The following CACNA1C variants were observed in gnomAD, a reference collection of about 807,000 sequenced individuals.
CACNA1C encodes voltage-dependent L-type calcium channel subunit alpha-1C.
CACNA1C carries 30 observed loss-of-function variants against 229.0 expected under a neutral mutation model. That is an observed-to-expected ratio of 0.13 (90% confidence interval 0.10 to 0.18). CACNA1C has a LOEUF of 0.18. CACNA1C is among the 10% of genes least tolerant of loss of function. CACNA1C has a pLI of 1.00. For missense variants in CACNA1C, 1,658 were observed against 2,845.0 expected (o/e 0.58, Z 9.49); for synonymous variants, 1,114 against 1,132.5 (o/e 0.98, Z 0.33).
intron 3 of CACNA1C, among the ~76,000 whole-genome samples, chr12:2,377,080 C>T (rs970262883): frequency 6.6e-6 from 1 of 152,098 alleles, no homozygotes; most frequent in African/African-American, 2.4e-5. Flanking sequence ...GGGGCAGCTC[C>T]CCAGCTGGCG....
intron 3 of CACNA1C, among the ~76,000 whole-genome samples, chr12:2,416,654 A>G (rs1434972864): frequency 6.6e-6 from 1 of 152,238 alleles, no homozygotes; most frequent in Non-Finnish European, 1.5e-5. Flanking sequence ...ACAAGGCAGA[A>G]GTCCTGTGGG....
At chr12:2,615,759 G>A (rs2153473116) in intron 29 of CACNA1C, among the ~76,000 whole-genome samples, 1 of 152,332 alleles carries the variant, frequency 6.6e-6, no homozygotes, top group South Asian at 2.1e-4. Flanking sequence ...GTTTGGTAGT[G>A]GGAGTGATGA....
At chr12:2,012,150 TTTGGAAAAATAC>T (rs1311968087) in intron 1 of CACNA1C, among the ~76,000 whole-genome samples, 1 of 152,170 alleles carries the variant, frequency 6.6e-6, no homozygotes, top group Non-Finnish European at 1.5e-5. Flanking sequence ...GATGAGAGGC[TTTGGAAAAATAC>T]TTGGCTTGGT....
intron 3 of CACNA1C, among the ~76,000 whole-genome samples, chr12:2,141,021 T>C (rs1434725069): frequency 6.6e-6 from 1 of 150,836 alleles, no homozygotes; most frequent in African/African-American, 2.4e-5. Context: ...GCACTGGGGC[T>C]GAGAGGTGGT....
At chr12:2,642,106 G>C (rs1245518400) in intron 30 of CACNA1C, among the ~76,000 whole-genome samples, 1 of 152,160 alleles carries the variant, frequency 6.6e-6, no homozygotes, top group Non-Finnish European at 1.5e-5. Context: ...CTGCAGGTTT[G>C]ACCCGAAAGG....
intron 33 of CACNA1C, 56 bp from the exon 34 acceptor site, chr12:2,655,091 A>G: frequency 9.3e-7 from 1 of 1,070,604 alleles, no homozygotes; most frequent in Admixed American, 1.8e-5. Flanking sequence ...AATGGTGGGA[A>G]ATTAGGACCC....
At chr12:2,376,995 C>G (rs1430170027) in intron 3 of CACNA1C, among the ~76,000 whole-genome samples, 1 of 152,122 alleles carries the variant, frequency 6.6e-6, no homozygotes, top group Non-Finnish European at 1.5e-5. Context: ...GCTGTTGTCA[C>G]GTTCTGTGCT....
chr12:2,156,282 A>G (rs2095550519), intron 3 of CACNA1C, among the ~76,000 whole-genome samples: 1 of 152,246 alleles, frequency 6.6e-6, no homozygotes, highest in Non-Finnish European at 1.5e-5. Context: ...AATATGTCAT[A>G]TGTACCTTTT....
intron 29 of CACNA1C, among the ~76,000 whole-genome samples, chr12:2,616,242 C>T (rs2080494055): frequency 6.6e-6 from 1 of 152,208 alleles, no homozygotes; most frequent in Non-Finnish European, 1.5e-5. Context: ...AGGCCTGGCC[C>T]CTTTCCCACA....
intron 3 of CACNA1C, among the ~76,000 whole-genome samples, chr12:2,208,133 A>G (rs2097806898): frequency 6.6e-6 from 1 of 152,192 alleles, no homozygotes; most frequent in Non-Finnish European, 1.5e-5. Flanking sequence ...TTCTCAATGA[A>G]TGTTCCTTAA....
chr12:2,273,404 G>A (rs1158534743), intron 3 of CACNA1C, among the ~76,000 whole-genome samples: 2 of 152,140 alleles, frequency 1.3e-5, no homozygotes, highest in Non-Finnish European at 2.9e-5. Context: ...ACAGCTCAAA[G>A]TGGAGAGCCC....
At chr12:2,449,714 G>A (rs2099341757) in intron 4 of CACNA1C, among the ~76,000 whole-genome samples, 1 of 152,330 alleles carries the variant, frequency 6.6e-6, no homozygotes, top group East Asian at 1.9e-4. Context: ...TGGAACCCAG[G>A]CTGCTCTGTG....
At chr12:2,226,859 T>G (rs2063158573) in intron 3 of CACNA1C, among the ~76,000 whole-genome samples, 4 of 152,218 alleles carry the variant, frequency 2.6e-5, no homozygotes, top group Admixed American at 2.6e-4. Context: ...CCCATCACAG[T>G]GCAAATTCTT....
At chr12:2,066,849 G>A (rs2059431008) in intron 1 of CACNA1C, among the ~76,000 whole-genome samples, 1 of 152,018 alleles carries the variant, frequency 6.6e-6, no homozygotes, top group Non-Finnish European at 1.5e-5. Flanking sequence ...AGGGGCATGG[G>A]GGGAGCTGGA....
intron 3 of CACNA1C, among the ~76,000 whole-genome samples, chr12:2,433,334 G>A (rs2154558837): frequency 6.6e-6 from 1 of 152,296 alleles, no homozygotes; most frequent in Admixed American, 6.5e-5. Context: ...CGCAGACCTG[G>A]AGCAGTCTTA....
Position 2,605,304 on chromosome 12 carries a change from C to A in CACNA1C, c.3048+136C>A. 1.5e-6 allele frequency: 1 copy of A among 647,666 alleles called. No homozygotes were observed. The allele number at this position is 647,666 out of a possible 1,614,324, so 40.1% of individuals were successfully genotyped here. ...CATGTGGGGTCCCGGACACTGGTCC[C>A]ACTGCATGTCCCGGTTCCGTAATGA... On this transcript the variant is annotated intron_variant, in intron 23 of 46. Transcript: ENST00000399655. The surrounding 1 kb of genome is among the most constrained non-coding windows in gnomAD (Gnocchi z 6.2).
At position 2,486,086 on chromosome 12, in the gene CACNA1C, G is replaced by A. The variant is rs1219486114; in HGVS notation, c.758-18G>A. 2 of 1,581,750 alleles carry A rather than the reference G, an allele frequency of 1.3e-6. No homozygotes were observed. The highest frequency in any genetic ancestry group is 2.7e-5 in the African/African-American group (2 of 74,442). On this transcript the variant is annotated intron_variant, in intron 5 of 46. Coordinates refer to ENST00000399655, the MANE Select transcript of CACNA1C (RefSeq NM_000719.7). The surrounding 1 kb of genome is among the most constrained non-coding windows in gnomAD (Gnocchi z 4.9). ...ACCGCGGTGATGCTTGGTTCAGTGA[G>A]TGGCTCTGTCCCCGCAGGTCTCCAG...
intron 9 of CACNA1C, among the ~76,000 whole-genome samples, chr12:2,517,330 G>C (rs1423602723): frequency 1.3e-5 from 2 of 152,348 alleles, no homozygotes; most frequent in African/African-American, 4.8e-5. Context: ...GAGGAGAGGA[G>C]GAGACTCACA....
chr12:2,124,465 G>A (rs1014936822), intron 3 of CACNA1C, among the ~76,000 whole-genome samples: 3 of 152,200 alleles, frequency 2.0e-5, no homozygotes, highest in Non-Finnish European at 4.4e-5. Context: ...GTTTTGAGGG[G>A]ATGAGAAGAG....
Sources: allele counts gnomAD v4.1 joint callset (sites outside exome capture counted in the v4.1 genomes callset), GRCh38; gene constraint gnomAD v4.1.1; non-coding constraint Gnocchi (gnomAD v3.1); transcripts MANE v1.5; gene names NCBI Gene and HGNC (gene_info 2026-07-23, HGNC 2026-07-21).